The following EVC variants were observed in gnomAD, a reference collection of about 807,000 sequenced individuals.
The protein encoded by EVC is evC complex member EVC.
A neutral mutation model predicts 118.9 loss-of-function variants in EVC; 116 were observed. The observed-to-expected ratio is 0.98, with a 90% CI of 0.84 to 1.14. The LOEUF (loss-of-function observed/expected upper bound fraction) is 1.14. Ranked by LOEUF, EVC falls within the 50% of genes most tolerant of loss-of-function variation. The pLI is 0.00. For synonymous variants in EVC, 619 were observed against 534.7 expected, an observed-to-expected ratio of 1.16 and a Z score of -2.18; for missense variants, 1,401 against 1,246.4, an observed-to-expected ratio of 1.12 and a Z score of -1.87.
At chr4:5,759,846 T>C (rs938626358) in intron 11 of EVC, among the ~76,000 whole-genome samples, 4 of 152,208 alleles carry the variant, frequency 2.6e-5, no homozygotes, top group African/African-American at 9.6e-5. Flanking sequence ...GGGCGCGTCC[T>C]GACGACACGC....
chr4:5,811,061 G>A lies in EVC; in HGVS notation c.*24G>A, dbSNP rs778699571. On this transcript the variant is annotated 3_prime_UTR_variant, in exon 21 of 21. Transcript: ENST00000264956. ...AGTTTAAGACCAGTCGGTGGGACAA[G>A]ACCTGAAGCCCTGGGTCTGGGTGTG... The A allele has an allele frequency of 6.3e-7, 1 of 1,588,262 alleles. No homozygotes were observed. Among genetic ancestry groups the A allele is most frequent in the East Asian group, 2.3e-5 (1 of 43,708 alleles).
intron 11 of EVC, among the ~76,000 whole-genome samples, chr4:5,781,144 G>T (rs1041680351): frequency 6.6e-6 from 1 of 152,196 alleles, no homozygotes; most frequent in Non-Finnish European, 1.5e-5. Flanking sequence ...TGTTCAGAGT[G>T]CCTTGCCAGA....
At chr4:5,751,227 A>G (rs1211129489) in intron 8 of EVC, among the ~76,000 whole-genome samples, 2 of 152,198 alleles carry the variant, frequency 1.3e-5, no homozygotes, top group Non-Finnish European at 2.9e-5. Flanking sequence ...GCTTGTGCTC[A>G]GGTCCTGGGA....
chr4:5,824,365 G>A, the EVC span: 5 of 985,282 alleles, frequency 5.1e-6, no homozygotes, highest in East Asian at 5.7e-4. Flanking sequence ...GTCTTATGGA[G>A]AGTGAGATGA....
Position 5,738,977 on chromosome 4 carries a change from A to G in EVC, c.703-2739A>G, listed in dbSNP as rs749742362. Among the ~76,000 whole-genome samples, 47 of 152,284 alleles carry G rather than the reference A, an allele frequency of 3.1e-4. No individual in the cohort carries two copies. In the South Asian group the frequency reaches 4.1e-3, roughly 13 times the overall value. ...ACTTTTTTAGACATACTGCTATTGT[A>G]CACTTAGACTACAGTATAGTGTAAA... On this transcript the variant is annotated intron_variant, in intron 5 of 20. Coordinates refer to ENST00000264956, the MANE Select transcript of EVC (RefSeq NM_153717.3). The surrounding 1 kb of genome is among the most constrained non-coding windows in gnomAD (Gnocchi z 6.5).
chr4:5,780,070 A>G (rs1254226729), intron 11 of EVC, among the ~76,000 whole-genome samples: 1 of 152,158 alleles, frequency 6.6e-6, no homozygotes, highest in Non-Finnish European at 1.5e-5. Flanking sequence ...GAATTTTGTC[A>G]AAGGTCTTTT....
At chr4:5,774,504 A>C (rs775412140) in intron 11 of EVC, among the ~76,000 whole-genome samples, 1 of 152,046 alleles carries the variant, frequency 6.6e-6, no homozygotes, top group Non-Finnish European at 1.5e-5. Context: ...CCCCTTTGAC[A>C]GATAAGACTG....
At chr4:5,768,373 C>T (rs990651320) in intron 11 of EVC, among the ~76,000 whole-genome samples, 11 of 151,988 alleles carry the variant, frequency 7.2e-5, no homozygotes, top group East Asian at 1.9e-4. Flanking sequence ...TGCTGTGGCC[C>T]GTGTAAGAGA....
Position 5,758,363 on chromosome 4 carries a change from G to A in EVC, c.1563+2001G>A, listed in dbSNP as rs73075511. On this transcript the variant is annotated intron_variant, in intron 11 of 20. Coordinates refer to ENST00000264956, the MANE Select transcript of EVC (RefSeq NM_153717.3). Reference sequence around the variant, plus strand: ...AGCCACAGGAAACTAAACGGAAGGCGATCTTTGTTCAGGGCTAGCTCCTAT... The same window carrying A: ...AGCCACAGGAAACTAAACGGAAGGCAATCTTTGTTCAGGGCTAGCTCCTAT... 4,992 of 521,286 alleles carry A rather than the reference G, an allele frequency of 9.6e-3. 215 individuals carry two copies. The highest frequency in any genetic ancestry group is 0.083 in the African/African-American group (4,293 of 51,704). 32.3% of individuals were successfully genotyped at this position (521,286 alleles called of 1,614,324 possible).
chr4:5,743,968 C>A lies in EVC; in HGVS notation c.802-1236C>A, dbSNP rs372431690. 6.6e-6 allele frequency among the ~76,000 whole-genome samples: 1 copy of A among 151,908 alleles called. No individual in the cohort carries two copies. Among genetic ancestry groups the A allele is most frequent in the African/African-American group, 2.4e-5 (1 of 41,366 alleles). On this transcript the variant is annotated intron_variant, in intron 6 of 20. Coordinates refer to ENST00000264956, the MANE Select transcript of EVC (RefSeq NM_153717.3). This position sits in a 1 kb window ranked among gnomAD's most constrained non-coding sequence, Gnocchi z 4.7. ...CTGTTATAATAGAAAGAATAAGAGC[C>A]TTGGAGTCTGCAGACCTCAGATCAA... is the stretch of plus-strand genomic sequence containing the variant.
At chr4:5,778,764 G>C (rs1275206152) in intron 11 of EVC, among the ~76,000 whole-genome samples, 2 of 152,122 alleles carry the variant, frequency 1.3e-5, no homozygotes, top group Admixed American at 6.5e-5. Context: ...GAGTAGGTTG[G>C]GAAAATGTTC....
intron 2 of EVC, among the ~76,000 whole-genome samples, chr4:5,723,956 C>G (rs555639760): frequency 1.3e-5 from 2 of 152,282 alleles, no homozygotes; most frequent in South Asian, 2.1e-4. Context: ...AGGCCAGGCT[C>G]TGTACCCTCA....
At position 5,724,771 on chromosome 4, in the gene EVC, A is replaced by G. The variant is rs574289246; in HGVS notation, c.301-4536A>G. 3.3e-5 allele frequency among the ~76,000 whole-genome samples: 5 copies of G among 151,308 alleles called. No individual in the cohort carries two copies. In the South Asian group the frequency reaches 8.4e-4, roughly 25 times the overall value. On this transcript the variant is annotated intron_variant, in intron 2 of 20. Transcript: ENST00000264956. ...TTAAGTTCTGGGGTACACATGCAGGATGTGCATCTTTGTAACATAGGTAAA... is the reference window on the plus strand; with the variant it reads ...TTAAGTTCTGGGGTACACATGCAGGGTGTGCATCTTTGTAACATAGGTAAA...
intron 5 of EVC, 54 bp downstream of exon 5, chr4:5,733,489 C>G: frequency 2.0e-6 from 3 of 1,467,870 alleles, no homozygotes; most frequent in Middle Eastern, 1.8e-4. Flanking sequence ...AGCTGGGAGA[C>G]AAGGACTCTG....
intron 13 of EVC, among the ~76,000 whole-genome samples, chr4:5,796,102 C>T (rs1713912425): frequency 6.6e-6 from 1 of 152,206 alleles, no homozygotes; most frequent in South Asian, 2.1e-4. Flanking sequence ...AACCCATCTC[C>T]TGAGTTGTTC....
intron 4 of EVC, among the ~76,000 whole-genome samples, chr4:5,732,171 C>T (rs1053259327): frequency 4.6e-5 from 7 of 151,586 alleles, no homozygotes; most frequent in Non-Finnish European, 8.9e-5. Context: ...ACTTGCTGGT[C>T]ACACAGCCGT....
chr4:5,745,454 C>A, intron 7 of EVC, 113 bp downstream of exon 7: 1 of 1,142,936 alleles, frequency 8.7e-7, no homozygotes, highest in Non-Finnish European at 1.3e-6. Flanking sequence ...ATTCCCCTAT[C>A]GCATTCTGCC....
At chr4:5,750,095 A>G (rs532326942) in intron 8 of EVC, among the ~76,000 whole-genome samples, 38 of 152,166 alleles carry the variant, frequency 2.5e-4, no homozygotes, top group African/African-American at 8.9e-4. Context: ...TATGGAAGAT[A>G]TTTTATTCAC....
chr4:5,713,110 C>T (rs1723308596), intron 1 of EVC, among the ~76,000 whole-genome samples: 1 of 152,188 alleles, frequency 6.6e-6, no homozygotes. Flanking sequence ...TCAGCTGAGG[C>T]TTACCGGGAT....
Sources: gnomAD v4.1 joint callset for allele counts (sites outside exome capture counted in the v4.1 genomes callset) on GRCh38, gnomAD v4.1.1 for gene constraint, Gnocchi (gnomAD v3.1) non-coding constraint, MANE v1.5 for transcripts, NCBI Gene and HGNC (gene_info 2026-07-23, HGNC 2026-07-21) for gene names.